Variants in OTUD7B observed in about 807,000 individuals in gnomAD.
OTUD7B encodes OTU deubiquitinase 7B, also known as OTU domain-containing protein 7B.
Under a neutral mutation model 82.2 loss-of-function variants are expected in OTUD7B, and 34 were observed. That is an observed-to-expected ratio of 0.41 (90% CI 0.31 to 0.55). The LOEUF is 0.55. OTUD7B is among the 20% of genes least tolerant of loss of function. The pLI, the probability that OTUD7B is intolerant of heterozygous loss-of-function variation, is 0.20. For synonymous variants in OTUD7B, 398 were observed against 402.7 expected, an observed-to-expected ratio of 0.99 and a Z score of 0.14; for missense variants, 944 against 1,062.1, an observed-to-expected ratio of 0.89 and a Z score of 1.55.
rs140938614 is a variant in OTUD7B at position 149,988,285 on chromosome 1, T to A, written c.-66-10709A>T. 3.3e-3 allele frequency among the ~76,000 whole-genome samples: 503 copies of A among 152,328 alleles called. 4 individuals are homozygous for A. The highest frequency in any genetic ancestry group is 0.011 in the African/African-American group (467 of 41,562). ...CATATGCTATTGTGGATACACAACA[T>A]TAAGGTCTCAGGAACTAGTCCCTGG... On this transcript the variant is annotated intron_variant, in intron 1 of 11. Coordinates refer to ENST00000581312, the MANE Select transcript of OTUD7B (RefSeq NM_020205.4).
chr1:150,027,397 C>T, the OTUD7B span, among the ~76,000 whole-genome samples: 5 of 152,072 alleles, frequency 3.3e-5, no homozygotes, highest in Non-Finnish European at 7.4e-5. Context: ...ACCAGCCTGG[C>T]CAACGTGGTG....
intron 2 of OTUD7B, among the ~76,000 whole-genome samples, chr1:149,971,495 TA>T (rs782292654): frequency 6.6e-6 from 1 of 152,178 alleles, no homozygotes; most frequent in South Asian, 2.1e-4. Flanking sequence ...CCCTCTGAAC[TA>T]AAAGAGCCCT....
At chr1:150,012,961 G>A (rs140656178), upstream of OTUD7B, among the ~76,000 whole-genome samples, 1 of 152,168 alleles carries the variant, frequency 6.6e-6, no homozygotes, top group African/African-American at 2.4e-5. Flanking sequence ...TCCCATTCCT[G>A]TGTCTCAGTT....
chr1:150,011,279 T>A (rs587701036), upstream of OTUD7B, among the ~76,000 whole-genome samples: 106 of 152,310 alleles, frequency 7.0e-4, no homozygotes, highest in South Asian at 2.9e-3. Flanking sequence ...TGCTTTAGAC[T>A]GCTAACAGTA....
the OTUD7B span, among the ~76,000 whole-genome samples, chr1:150,047,123 C>T: frequency 4.6e-5 from 7 of 152,172 alleles, no homozygotes; most frequent in East Asian, 1.4e-3. Flanking sequence ...CCAACTATTC[C>T]CCATTTTCCA....
At chr1:149,993,518 GA>G (rs1272743394) in intron 1 of OTUD7B, among the ~76,000 whole-genome samples, 1 of 152,182 alleles carries the variant, frequency 6.6e-6, no homozygotes, top group Non-Finnish European at 1.5e-5. Context: ...AGAAAAAGAT[GA>G]AGAGGAAATT....
chr1:150,020,276 C>T, the OTUD7B span, among the ~76,000 whole-genome samples: 1 of 152,320 alleles, frequency 6.6e-6, no homozygotes, highest in East Asian at 1.9e-4. Context: ...TGGCTCACGC[C>T]TGTAATCCCA....
At chr1:150,005,930 AC>A (rs1243360291) in intron 1 of OTUD7B, among the ~76,000 whole-genome samples, 2 of 152,178 alleles carry the variant, frequency 1.3e-5, no homozygotes, top group Non-Finnish European at 2.9e-5. Context: ...TTGGATCCAT[AC>A]AGATTTTGAA....
rs1553771816 is a variant in OTUD7B, at chr1:149,945,055, G to A, written c.1334C>T (p.Ala445Val). 3.1e-6 allele frequency: 5 copies of A among 1,613,306 alleles called. No homozygotes were observed. The South Asian group carries it at 4.4e-5, about 14-fold the overall frequency. ...PLSSDAQAPL[A>V]QPESPTASAG... ...TGAGGCGGTGGGGGACTCAGGCTGG[G>A]CCAGAGGAGCCTGGAAGAGACAAGA... Residue 445 changes from alanine (A) to valine (V), a missense_variant, in exon 12 of 12, where the codon GCC becomes GTC. This residue lies in a region of OTUD7B where 530 missense variants were observed against 625.6 expected (regional missense o/e 0.85). Transcript: ENST00000581312.
In OTUD7B at chr1:149,943,741, A is replaced by C. The variant is rs587646908; in HGVS notation, c.*116T>G. The C allele has an allele frequency of 1.9e-5, 22 of 1,155,696 alleles. No homozygotes were observed. In the East Asian group the frequency reaches 5.2e-4, roughly 27 times the overall value. The allele number at this position is 1,155,696 out of a possible 1,614,324, so 71.6% of individuals were successfully genotyped here. On this transcript the variant is annotated 3_prime_UTR_variant, in exon 12 of 12. Transcript: ENST00000581312. Reference sequence around the variant, plus strand: ...TGCACACACTTAAAAGTTTCCAGCCAGGCTCCCACAAACATTACTGCATTT... The same window carrying C: ...TGCACACACTTAAAAGTTTCCAGCCCGGCTCCCACAAACATTACTGCATTT...
the OTUD7B span, among the ~76,000 whole-genome samples, chr1:150,046,614 A>ATTT: frequency 4.4e-5 from 6 of 135,446 alleles, no homozygotes; most frequent in Admixed American, 7.4e-5. Context: ...CACCTGGCTA[A>ATTT]TTTTTTTTTT....
At chr1:149,970,317 T>C (rs1263487977) in intron 3 of OTUD7B, among the ~76,000 whole-genome samples, 2 of 77,076 alleles carry the variant, frequency 2.6e-5, no homozygotes, top group East Asian at 4.1e-4. Context: ...TTTTTATTCA[T>C]TTATTTATTT....
In OTUD7B at chr1:149,944,615, C is replaced by G. The variant is rs1553771524; in HGVS notation, c.1774G>C (p.Val592Leu). Residue 592 changes from valine to leucine, a missense_variant, in exon 12 of 12, where the codon GTG becomes CTG. Physicochemically the swap from Val to Leu is conservative, Grantham distance 32. Coordinates refer to ENST00000581312, the MANE Select transcript of OTUD7B (RefSeq NM_020205.4). ...CTCAGAATGCTCAGGCTCTGCATCA[C>G]CTCCTGGCTATACTTGCTCCCTCCG... ...GNGGSKYSQE[V>L]MQSLSILRTA... The G allele has an allele frequency of 2.5e-6, 4 of 1,614,006 alleles. No homozygotes were observed. The highest frequency in any genetic ancestry group is 4.5e-5 in the East Asian group (2 of 44,898).
intron 1 of OTUD7B, among the ~76,000 whole-genome samples, chr1:149,993,659 A>G (rs1434286149): frequency 1.3e-5 from 2 of 152,230 alleles, no homozygotes; most frequent in African/African-American, 2.4e-5. Flanking sequence ...AGGTTTTTTT[A>G]TGATAATATC....
rs1647539933 is a variant in OTUD7B, at chr1:149,944,438, T to G, written c.1951A>C (p.Lys651Gln). ...AEQKQKEAER[K>Q]IMNGGIGGGP... ...CCCCCTATTCCTCCATTCATGATCT[T>G]CCTCTCTGCCTCCTTCTGCTTCTGT... Residue 651 changes from lysine to glutamine, a missense_variant, in exon 12 of 12, where the codon AAG becomes CAG. Coordinates refer to ENST00000581312, the MANE Select transcript of OTUD7B (RefSeq NM_020205.4). The G allele has an allele frequency of 1.9e-6, 3 of 1,614,104 alleles. No individual in the cohort carries two copies. The highest frequency in any genetic ancestry group is 1.6e-4 in the Middle Eastern group (1 of 6,062).
Position 149,947,323 on chromosome 1 carries a change from G to T in OTUD7B, c.1251C>A (p.Ser417=). Residue 417 remains serine (S), a synonymous_variant, in exon 11 of 12, where the codon TCC becomes TCA. Coordinates refer to ENST00000581312, the MANE Select transcript of OTUD7B (RefSeq NM_020205.4). ...DNVRLASVIL[S]LEVKLHLLHS... The stretch of plus-strand genomic sequence containing the variant: ...GCAGCAGATGCAATTTGACCTCTAG[G>T]GACAGAATTACACTATGAAAAAGAG... 6.3e-7 allele frequency: 1 copy of T among 1,599,310 alleles called. No individual in the cohort carries two copies. The highest frequency in any genetic ancestry group is 8.6e-7 in the Non-Finnish European group (1 of 1,166,906).
chr1:149,962,548 AGATGG>A (rs1649229138), intron 6 of OTUD7B: 1 of 152,268 alleles, frequency 6.6e-6, no homozygotes. Flanking sequence ...GGGGACTTTC[AGATGG>A]AAAGGCTGAC....
chr1:150,007,580 A>G (rs1652749849), intron 1 of OTUD7B, among the ~76,000 whole-genome samples: 1 of 152,214 alleles, frequency 6.6e-6, no homozygotes, highest in African/African-American at 2.4e-5. Context: ...GAGCAAAGAC[A>G]CATGTCTTTA....
At chr1:150,018,601 C>T in the OTUD7B span, among the ~76,000 whole-genome samples, 8 of 152,158 alleles carry the variant, frequency 5.3e-5, no homozygotes, top group African/African-American at 1.2e-4. Context: ...TGTATCTAAG[C>T]ACCCACTATG....
Sources: allele counts gnomAD v4.1 joint callset (sites outside exome capture counted in the v4.1 genomes callset), GRCh38; gene constraint gnomAD v4.1.1; regional missense constraint gnomAD v4.1.1; transcripts MANE v1.5; gene names NCBI Gene and HGNC (gene_info 2026-07-23, HGNC 2026-07-21).